Variants in MED13 observed in about 807,000 individuals in gnomAD.
MED13 encodes the protein mediator of RNA polymerase II transcription subunit 13.
MED13 carries 23 observed loss-of-function variants against 225.2 expected under a neutral mutation model. That is an observed-to-expected ratio of 0.10 (90% CI 0.07 to 0.14). The LOEUF is 0.14. MED13 is among the 10% of genes least tolerant of loss of function. The probability of loss-of-function intolerance (pLI) is 1.00; values close to 1 mark genes in which losing one functional copy is unlikely to be tolerated. For synonymous variants in MED13, 942 were observed against 889.2 expected, an observed-to-expected ratio of 1.06 and a Z score of -1.06; for missense variants, 2,197 against 2,594.5, an observed-to-expected ratio of 0.85 and a Z score of 3.33.
At chr17:61,961,837 C>T (rs1395334734) in intron 21 of MED13, 58 bp from the exon 22 acceptor site, 1 of 1,491,908 alleles carries the variant, frequency 6.7e-7, no homozygotes, top group Non-Finnish European at 9.2e-7. Context: ...ATAACAGGAA[C>T]TGTGGGTCTA....
At chr17:61,961,883 A>C in intron 21 of MED13, 104 bp from the exon 22 acceptor site, 2 of 1,068,284 alleles carry the variant, frequency 1.9e-6, no homozygotes, top group Non-Finnish European at 1.4e-6. Flanking sequence ...AATTTACACA[A>C]AACCTAATTT....
At position 61,995,757 on chromosome 17, in the gene MED13, A is replaced by G. The variant is rs1017781251; in HGVS notation, c.1968-392T>C. Among the ~76,000 whole-genome samples the G allele has an allele frequency of 2.0e-5, 3 of 152,206 alleles. No individual in the cohort carries two copies. The South Asian group carries it at 6.2e-4, about 31-fold the overall frequency. Reference sequence around the variant, plus strand: ...TGGGAGCTTTATAAAAGTGAGTAAAATACTTTTAAACAATTTATACATTTA... The same window carrying G: ...TGGGAGCTTTATAAAAGTGAGTAAAGTACTTTTAAACAATTTATACATTTA... On this transcript the variant is annotated intron_variant, in intron 9 of 29. Transcript: ENST00000397786.
chr17:61,966,191 A>G (rs1252864624), intron 19 of MED13, among the ~76,000 whole-genome samples: 1 of 152,216 alleles, frequency 6.6e-6, no homozygotes, highest in Non-Finnish European at 1.5e-5. Context: ...ATTTATTTAT[A>G]ACCCATAATT....
intron 9 of MED13, chr17:62,005,279 T>G (rs2080435725): frequency 6.6e-6 from 1 of 152,202 alleles, no homozygotes; most frequent in South Asian, 2.1e-4. Flanking sequence ...TACTGATATC[T>G]CTTAATTAAC....
At chr17:62,003,724 CTTT>C (rs993782692) in intron 9 of MED13, 1 of 147,884 alleles carries the variant, frequency 6.8e-6, no homozygotes, top group African/African-American at 2.5e-5. Context: ...TTTATTCAAT[CTTT>C]TTTTTCCCTT....
chr17:61,976,662 C>T (rs546161199), intron 16 of MED13, among the ~76,000 whole-genome samples: 4 of 152,212 alleles, frequency 2.6e-5, no homozygotes, highest in South Asian at 2.1e-4. Flanking sequence ...TGGCTGGGTG[C>T]GGTGGCTCAC....
rs1423081744 is a variant in MED13, at chr17:61,982,225, A to G, written c.3778T>C (p.Cys1260Arg). The G allele has an allele frequency of 6.2e-7, 1 of 1,613,990 alleles. No individual in the cohort carries two copies. The highest frequency in any genetic ancestry group is 1.1e-5 in the South Asian group (1 of 91,022). Residue 1260 changes from cysteine to arginine, a missense_variant, in exon 16 of 30, where the codon TGC (cysteine) becomes CGC (arginine). Around this residue, in one of 12 missense-constraint regions of MED13, gnomAD observed 203 missense variants for 209.7 expected, o/e 0.97. Transcript: ENST00000397786. Reference sequence around the variant, plus strand: ...TTTCTTTTGGACCAGGGGTGTAAGCATGAACTTTTCACAAGTGCTTCATCA... The same window carrying G: ...TTTCTTTTGGACCAGGGGTGTAAGCGTGAACTTTTCACAAGTGCTTCATCA... ...KVDEALVKSS[C>R]LHPWSKRNDV...
At chr17:61,970,985 A>G (rs2080103353) in intron 17 of MED13, among the ~76,000 whole-genome samples, 1 of 151,944 alleles carries the variant, frequency 6.6e-6, no homozygotes, top group African/African-American at 2.4e-5. Flanking sequence ...TGATTGTGCC[A>G]CTGTACTCCA....
chr17:61,998,027 C>A (rs955802499), intron 9 of MED13, among the ~76,000 whole-genome samples: 1 of 152,114 alleles, frequency 6.6e-6, no homozygotes, highest in African/African-American at 2.4e-5. Flanking sequence ...TAGTCAATTT[C>A]AAGAGTATCA....
chr17:61,953,158 T>C, intron 26 of MED13, 45 bp from the exon 27 acceptor site: 5 of 1,563,480 alleles, frequency 3.2e-6, no homozygotes, highest in Non-Finnish European at 4.3e-6. Context: ...ATTTTCCATA[T>C]CCTATGGTCA....
chr17:61,954,889 T>C (rs959750926), intron 26 of MED13, among the ~76,000 whole-genome samples: 2 of 152,212 alleles, frequency 1.3e-5, no homozygotes, highest in Non-Finnish European at 2.9e-5. Context: ...CTTTAATAAG[T>C]TACCACAAAC....
intron 9 of MED13, chr17:62,006,208 GAGA>G (rs1300350683): frequency 1.5e-5 from 2 of 135,254 alleles, no homozygotes; most frequent in Non-Finnish European, 3.1e-5. Context: ...GGACAGAAAT[GAGA>G]AGAAGGGGTT....
At chr17:62,034,082 AAAG>A (rs2080781353) in intron 4 of MED13, 98 bp from the exon 5 acceptor site, 2 of 987,576 alleles carry the variant, frequency 2.0e-6, no homozygotes, top group African/African-American at 3.3e-5. Flanking sequence ...CAATTATAAA[AAAG>A]AAAAGGAAAC....
intron 17 of MED13, among the ~76,000 whole-genome samples, chr17:61,969,881 C>T (rs980944855): frequency 6.6e-6 from 1 of 151,982 alleles, no homozygotes; most frequent in African/African-American, 2.4e-5. Context: ...GGATTACAGG[C>T]GTGAGTCGTC....
At position 61,972,861 on chromosome 17, in the gene MED13, A is replaced by G. The variant is rs1400310883; in HGVS notation, c.3833T>C (p.Ile1278Thr). The change falls in exon 17 of 30, where the codon ATA becomes ACA. Residue 1278 changes from isoleucine (I) to threonine (T), a missense_variant. By Grantham distance (89) the Ile-to-Thr change is moderately conservative. Around this residue, in one of 12 missense-constraint regions of MED13, gnomAD observed 203 missense variants for 209.7 expected, o/e 0.97. Transcript: ENST00000397786. Reference sequence around the variant, plus strand: ...CTGAAGAGAGAGGAGCATTCGAAGTATATCCTGTGAGCACTGCATACTCAC... The same window carrying G: ...CTGAAGAGAGAGGAGCATTCGAAGTGTATCCTGTGAGCACTGCATACTCAC... ...NDVSMQCSQD[I>T]LRMLLSLQPV... The G allele has an allele frequency of 1.2e-6, 2 of 1,612,280 alleles. No homozygotes were observed. The highest frequency in any genetic ancestry group is 1.3e-5 in the African/African-American group (1 of 74,784).
chr17:62,026,438 T>C (rs1335061173), intron 8 of MED13, among the ~76,000 whole-genome samples: 4 of 138,572 alleles, frequency 2.9e-5, no homozygotes, highest in Non-Finnish European at 4.7e-5. Context: ...AAGAATGTTA[T>C]AAGAAATTAC....
At chr17:62,051,773 C>T (rs892257861) in intron 3 of MED13, among the ~76,000 whole-genome samples, 1 of 152,164 alleles carries the variant, frequency 6.6e-6, no homozygotes, top group Admixed American at 6.6e-5. Flanking sequence ...TTAGTAAGTT[C>T]CCTTTAGTTT....
At chr17:61,992,277 C>T (rs1021276521) in intron 11 of MED13, among the ~76,000 whole-genome samples, 8 of 152,154 alleles carry the variant, frequency 5.3e-5, no homozygotes, top group African/African-American at 1.4e-4. Context: ...AAATCTATTA[C>T]ATAAAACTGA....
At chr17:62,052,006 TA>T (rs1335085988) in intron 3 of MED13, among the ~76,000 whole-genome samples, 1 of 152,220 alleles carries the variant, frequency 6.6e-6, no homozygotes, top group East Asian at 1.9e-4. Context: ...AGTAGTGTCA[TA>T]AATTTGCTTA....
Sources: gnomAD v4.1 joint callset for allele counts (sites outside exome capture counted in the v4.1 genomes callset) on GRCh38, gnomAD v4.1.1 for gene constraint, gnomAD v4.1.1 regional missense constraint, MANE v1.5 for transcripts, NCBI Gene and HGNC (gene_info 2026-07-23, HGNC 2026-07-21) for gene names.